The following SPON1 variants were observed in gnomAD, a reference collection of about 807,000 sequenced individuals.
SPON1 encodes spondin 1, also known as spondin-1.
In SPON1, 52 loss-of-function variants were observed where a neutral mutation model predicts 111.7. The ratio of observed to expected loss-of-function variants is 0.47; its 90% confidence interval spans 0.37 to 0.59. SPON1 has a LOEUF of 0.59. SPON1 is among the 20% of genes least tolerant of loss of function. SPON1 has a pLI of 0.00. For missense variants in SPON1, 957 were observed against 1,068.5 expected, an observed-to-expected ratio of 0.90 and a Z score of 1.46; for synonymous variants, 410 against 395.8, an observed-to-expected ratio of 1.04 and a Z score of -0.43.
rs185168719 is a variant in SPON1, at chr11:14,056,586, G to A, written c.479+14932G>A. Reference sequence around the variant, plus strand: ...TAAATTAAAAAAAATCAAGACCAGGGAAAATCAACATTAAAATATAACATC... The same window carrying A: ...TAAATTAAAAAAAATCAAGACCAGGAAAAATCAACATTAAAATATAACATC... On this transcript the variant is annotated intron_variant, in intron 3 of 15. Transcript: ENST00000576479. Among the ~76,000 whole-genome samples, 594 of 152,136 alleles carry A rather than the reference G, an allele frequency of 3.9e-3. 6 individuals are homozygous for A. Among genetic ancestry groups the A allele is most frequent in the African/African-American group, 0.014 (568 of 41,510 alleles).
intron 5 of SPON1, among the ~76,000 whole-genome samples, chr11:14,112,825 G>T (rs182754276): frequency 6.6e-6 from 1 of 152,140 alleles, no homozygotes; most frequent in Non-Finnish European, 1.5e-5. Context: ...TCCCTTCCTT[G>T]CTCCTTCTAA....
At position 14,224,766 on chromosome 11, in the gene SPON1, C is replaced by T. The variant is rs112296278; in HGVS notation, c.826-18566C>T. 2,162 of 498,386 alleles carry T rather than the reference C, an allele frequency of 4.3e-3. 44 individuals are homozygous for T. Among genetic ancestry groups the T allele is most frequent in the African/African-American group, 0.038 (1,974 of 51,416 alleles). The allele number at this position is 498,386 out of a possible 1,614,324, so 30.9% of individuals were successfully genotyped here. ...TGAAAGACTGAGGGAGATATGAGGC[C>T]GGAGAAGTAGGTGGGGCCAAAGGGT... On this transcript the variant is annotated intron_variant, in intron 6 of 15. Transcript: ENST00000576479.
At chr11:14,004,679 G>T (rs905044669) in intron 2 of SPON1, among the ~76,000 whole-genome samples, 20 of 152,012 alleles carry the variant, frequency 1.3e-4, no homozygotes, top group African/African-American at 4.6e-4. Flanking sequence ...TTTTAGTTGG[G>T]TTTTTTTGTT....
At chr11:14,114,053 A>C (rs1849248908) in intron 5 of SPON1, among the ~76,000 whole-genome samples, 1 of 152,168 alleles carries the variant, frequency 6.6e-6, no homozygotes, top group African/African-American at 2.4e-5. Context: ...TTGAGTTACA[A>C]ACAATCCAAT....
chr11:14,115,977 G>A (rs1554925947), intron 5 of SPON1, among the ~76,000 whole-genome samples: 1 of 152,032 alleles, frequency 6.6e-6, no homozygotes, highest in East Asian at 1.9e-4. Context: ...TATCACGTTG[G>A]GATTTTGATT....
At position 14,041,522 on chromosome 11, in the gene SPON1, T is replaced by C; in HGVS notation, c.347T>C (p.Ile116Thr). 6.2e-7 allele frequency: 1 copy of C among 1,613,880 alleles called. No individual in the cohort carries two copies. The change falls in exon 3 of 16, where the codon ATC becomes ACC. Residue 116 changes from isoleucine (I) to threonine (T), a missense_variant and splice_region_variant. Ile to Thr is a moderately conservative substitution (Grantham distance 89, BLOSUM62 -1). Coordinates refer to ENST00000576479, the MANE Select transcript of SPON1 (RefSeq NM_006108.4). ...KEEDHAGTFQ[I>T]IDEEETQFMS... is the part of the protein sequence containing the mutation. ...TTATTTCCCACTGGTTTTCCGTAGA[T>C]CATAGACGAAGAAGAAACTCAGTTT...
chr11:14,160,588 T>TATATATTTAC (rs1847912679), intron 6 of SPON1, among the ~76,000 whole-genome samples: 7 of 13,200 alleles, frequency 5.3e-4, no homozygotes, highest in Admixed American at 1.8e-3. Flanking sequence ...TATATTTACA[T>TATATATTTAC]ATATATATTT....
intron 4 of SPON1, among the ~76,000 whole-genome samples, chr11:14,079,424 A>T (rs1302884272): frequency 6.6e-6 from 1 of 151,816 alleles, no homozygotes; most frequent in Non-Finnish European, 1.5e-5. Flanking sequence ...ATTTATTTTC[A>T]CTGCTCTGCT....
At chr11:14,062,114 C>T (rs1260435384) in intron 3 of SPON1, among the ~76,000 whole-genome samples, 1 of 152,184 alleles carries the variant, frequency 6.6e-6, no homozygotes, top group Non-Finnish European at 1.5e-5. Flanking sequence ...TGCTCCGGAC[C>T]TACACCTGTG....
intron 1 of SPON1, among the ~76,000 whole-genome samples, chr11:13,982,081 A>G (rs1403325701): frequency 6.6e-6 from 1 of 152,192 alleles, no homozygotes; most frequent in African/African-American, 2.4e-5. Context: ...TTTAAATTGC[A>G]TGCTGTTTTG....
At chr11:14,032,513 T>A (rs949076843) in intron 2 of SPON1, among the ~76,000 whole-genome samples, 39 of 152,180 alleles carry the variant, frequency 2.6e-4, no homozygotes, top group African/African-American at 9.2e-4. Context: ...AACCACAACA[T>A]ACCGAGGGCC....
intron 6 of SPON1, among the ~76,000 whole-genome samples, chr11:14,159,965 C>T (rs1170219266): frequency 1.1e-4 from 17 of 151,978 alleles, no homozygotes; most frequent in South Asian, 4.2e-4. Context: ...CGAATGAGTA[C>T]AACCTATTTG....
chr11:14,040,488 A>C lies in SPON1; in HGVS notation c.346-1033A>C, dbSNP rs116955983. On this transcript the variant is annotated intron_variant, in intron 2 of 15. Transcript: ENST00000576479. ...GGAGGAAAAATGGAAGTAGGATAAA[A>C]AGTATAAAGATAAAAAGTAATAGAA... is the stretch of plus-strand genomic sequence containing the variant. Among the ~76,000 whole-genome samples, 240 of 152,296 alleles carry C rather than the reference A, an allele frequency of 1.6e-3. 6 individuals are homozygous for C. In the East Asian group the frequency reaches 0.037, roughly 24 times the overall value.
rs782592356 is a variant in SPON1, at chr11:13,982,890, A to G, written c.282A>G (p.Thr94=). The G allele has an allele frequency of 6.4e-6, 10 of 1,562,710 alleles. No homozygotes were observed. Among genetic ancestry groups the G allele is most frequent in the Middle Eastern group, 3.3e-4 (2 of 6,026 alleles). Residue 94 remains threonine (T), a synonymous_variant, in exon 2 of 16, where the codon ACA becomes ACG. Transcript: ENST00000576479. Reference sequence around the variant, plus strand: ...CTCCCTCCTACTTCAGAGGATTCACATTAATTGCCCTCAGAGAGAACAGAG... The same window carrying G: ...CTCCCTCCTACTTCAGAGGATTCACGTTAATTGCCCTCAGAGAGAACAGAG... ...AAPPSYFRGF[T]LIALRENREG...
intron 5 of SPON1, among the ~76,000 whole-genome samples, chr11:14,120,678 GTC>G (rs1789502212): frequency 6.6e-6 from 1 of 152,080 alleles, no homozygotes; most frequent in South Asian, 2.1e-4. Context: ...TAATGGACAG[GTC>G]CTGTGCATGT....
intron 6 of SPON1, among the ~76,000 whole-genome samples, chr11:14,210,672 A>T (rs1848566388): frequency 6.6e-6 from 1 of 152,136 alleles, no homozygotes. Context: ...TGCTAGGAGG[A>T]TTACAGGCAT....
At chr11:14,197,381 GAC>G (rs1475270164) in intron 6 of SPON1, among the ~76,000 whole-genome samples, 4 of 151,938 alleles carry the variant, frequency 2.6e-5, no homozygotes, top group African/African-American at 9.7e-5. Flanking sequence ...GAAAGCACAG[GAC>G]TAAATTTAAG....
At chr11:14,192,441 A>T (rs192367973) in intron 6 of SPON1, among the ~76,000 whole-genome samples, 1 of 152,332 alleles carries the variant, frequency 6.6e-6, no homozygotes, top group Non-Finnish European at 1.5e-5. Context: ...TATTATGCAT[A>T]AAAGTAGAGA....
chr11:14,263,018 C>T (rs782567076), intron 15 of SPON1, 43 bp downstream of exon 15: 11 of 1,567,926 alleles, frequency 7.0e-6, no homozygotes, highest in Non-Finnish European at 8.7e-7. Context: ...CCAGGACAGG[C>T]AGGGTTCTGC....
Sources: gnomAD v4.1 joint callset for allele counts (sites outside exome capture counted in the v4.1 genomes callset) on GRCh38, gnomAD v4.1.1 for gene constraint, MANE v1.5 for transcripts, NCBI Gene and HGNC (gene_info 2026-07-23, HGNC 2026-07-21) for gene names.